The following CNTNAP2 variants were observed in gnomAD, a reference collection of about 807,000 sequenced individuals.
The protein encoded by CNTNAP2 is contactin-associated protein-like 2.
In CNTNAP2, 98 loss-of-function variants were observed where a neutral mutation model predicts 155.2. The observed-to-expected ratio is 0.63, with a 90% CI of 0.54 to 0.75. CNTNAP2 has a LOEUF of 0.75. Ranked by LOEUF, CNTNAP2 falls within the 30% of genes least tolerant of loss-of-function variation. The pLI is 0.00. For synonymous variants in CNTNAP2, 651 were observed against 631.2 expected (o/e 1.03, Z -0.47); for missense variants, 1,727 against 1,688.1 (o/e 1.02, Z -0.40).
intron 15 of CNTNAP2, among the ~76,000 whole-genome samples, chr7:148,063,899 T>C (rs1414890817): frequency 1.3e-5 from 2 of 152,158 alleles, no homozygotes; most frequent in Non-Finnish European, 2.9e-5. Context: ...CTTGAGTTAA[T>C]TTTTATATAA....
chr7:146,894,275 T>C (rs57857701), intron 3 of CNTNAP2, among the ~76,000 whole-genome samples: 2,290 of 152,282 alleles, frequency 0.015, 60 homozygotes, highest in African/African-American at 0.052. Flanking sequence ...TTTAGGAAAT[T>C]GTTTCTTAAC....
At chr7:146,398,162 A>C (rs1399258305) in intron 1 of CNTNAP2, among the ~76,000 whole-genome samples, 1 of 143,000 alleles carries the variant, frequency 7.0e-6, no homozygotes, top group Non-Finnish European at 1.5e-5. Context: ...TATAGGTGTG[A>C]GCACCTATAC....
At chr7:147,097,670 C>G (rs1029286916) in intron 4 of CNTNAP2, 1 of 152,112 alleles carries the variant, frequency 6.6e-6, no homozygotes, top group Non-Finnish European at 1.5e-5. Context: ...GAGTACAATT[C>G]AAGATGAGAT....
intron 11 of CNTNAP2, among the ~76,000 whole-genome samples, chr7:147,500,854 A>T (rs2189997): frequency 6.6e-6 from 1 of 152,144 alleles, no homozygotes; most frequent in Non-Finnish European, 1.5e-5. Flanking sequence ...TTGTTCTATC[A>T]AAAAATATCT....
chr7:146,608,790 T>G (rs1170271658), intron 1 of CNTNAP2, among the ~76,000 whole-genome samples: 1 of 152,152 alleles, frequency 6.6e-6, no homozygotes, highest in Non-Finnish European at 1.5e-5. Flanking sequence ...AATTTCATCT[T>G]TTTTGGGGGA....
At chr7:147,220,962 T>G (rs1803384516) in intron 8 of CNTNAP2, among the ~76,000 whole-genome samples, 1 of 152,138 alleles carries the variant, frequency 6.6e-6, no homozygotes, top group Non-Finnish European at 1.5e-5. Context: ...TCTGCCTGCC[T>G]CCTCCTCCCA....
chr7:147,642,310 G>A (rs926956259), intron 13 of CNTNAP2, among the ~76,000 whole-genome samples: 4 of 152,044 alleles, frequency 2.6e-5, no homozygotes, highest in African/African-American at 9.7e-5. Flanking sequence ...TCCAAAGTCA[G>A]CTTTCAGTTT....
intron 1 of CNTNAP2, among the ~76,000 whole-genome samples, chr7:146,273,826 G>A (rs998383154): frequency 2.6e-5 from 4 of 152,022 alleles, no homozygotes; most frequent in South Asian, 2.1e-4. Flanking sequence ...TTCCTTCTTC[G>A]TAAAACAAGG....
At chr7:146,910,442 G>T (rs1796247702) in intron 3 of CNTNAP2, among the ~76,000 whole-genome samples, 1 of 148,836 alleles carries the variant, frequency 6.7e-6, no homozygotes, top group South Asian at 2.1e-4. Context: ...GCATGGTACT[G>T]GTACCAAAAC....
intron 14 of CNTNAP2, among the ~76,000 whole-genome samples, chr7:147,905,918 A>G (rs1303408721): frequency 6.6e-6 from 1 of 151,960 alleles, no homozygotes; most frequent in East Asian, 1.9e-4. Context: ...AACAAACAAA[A>G]AAAAACTGAT....
intron 22 of CNTNAP2, among the ~76,000 whole-genome samples, chr7:148,407,522 A>G (rs1799729639): frequency 1.3e-5 from 2 of 152,004 alleles, no homozygotes; most frequent in African/African-American, 4.8e-5. Context: ...TGGGCAACAT[A>G]GGGAAACCCC....
intron 3 of CNTNAP2, among the ~76,000 whole-genome samples, chr7:147,023,190 T>C (rs908426075): frequency 6.6e-6 from 1 of 152,074 alleles, no homozygotes; most frequent in Non-Finnish European, 1.5e-5. Context: ...CGGCAACTGA[T>C]AGCTTCATCC....
chr7:147,392,603 C>T (rs534554648), intron 9 of CNTNAP2, among the ~76,000 whole-genome samples: 8 of 152,056 alleles, frequency 5.3e-5, no homozygotes, highest in East Asian at 1.9e-4. Context: ...TGAGAACATA[C>T]GATGTTTGGT....
chr7:147,612,030 G>A (rs182095107), intron 12 of CNTNAP2, among the ~76,000 whole-genome samples: 34 of 152,002 alleles, frequency 2.2e-4, no homozygotes, highest in African/African-American at 3.6e-4. Context: ...CTTATCCACC[G>A]GGAAGACAGA....
intron 14 of CNTNAP2, among the ~76,000 whole-genome samples, chr7:147,953,421 C>T (rs1800969062): frequency 7.2e-6 from 1 of 139,662 alleles, no homozygotes; most frequent in Non-Finnish European, 1.6e-5. Flanking sequence ...ATACGATTCT[C>T]ATTCCATACC....
At chr7:146,182,782 G>A (rs1022927810) in intron 1 of CNTNAP2, among the ~76,000 whole-genome samples, 1 of 152,012 alleles carries the variant, frequency 6.6e-6, no homozygotes, top group African/African-American at 2.4e-5. Context: ...CTCACACATC[G>A]AACTTCCTCA....
chr7:146,744,119 T>C (rs939118260), intron 1 of CNTNAP2, among the ~76,000 whole-genome samples: 3 of 149,428 alleles, frequency 2.0e-5, no homozygotes, highest in Non-Finnish European at 3.0e-5. Context: ...TCCCAGCTAA[T>C]TGGGAGGCTG....
intron 14 of CNTNAP2, among the ~76,000 whole-genome samples, chr7:147,939,331 T>C (rs2116811950): frequency 6.6e-6 from 1 of 152,122 alleles, no homozygotes; most frequent in African/African-American, 2.4e-5. Flanking sequence ...ATGTAGGATT[T>C]TTTTTTTTAA....
Position 147,792,010 on chromosome 7 carries a change from C to T in CNTNAP2, c.2099-111555C>T, listed in dbSNP as rs549410018. On this transcript the variant is annotated intron_variant, in intron 13 of 23. Coordinates refer to ENST00000361727, the MANE Select transcript of CNTNAP2 (RefSeq NM_014141.6). ...CAAGGTGGGTCTCCTAGTGTTTCCC[C>T]TAAGGGCACCACCTAATTAGAAGCA... Among the ~76,000 whole-genome samples, 4 of 152,272 alleles carry T rather than the reference C, an allele frequency of 2.6e-5. No individual in the cohort carries two copies. The East Asian group carries it at 7.7e-4, about 29-fold the overall frequency.
Sources: allele counts gnomAD v4.1 joint callset (sites outside exome capture counted in the v4.1 genomes callset), GRCh38; gene constraint gnomAD v4.1.1; transcripts MANE v1.5; gene names NCBI Gene and HGNC (gene_info 2026-07-23, HGNC 2026-07-21).